Variants in SLC13A5 observed in about 807,000 individuals in gnomAD.
SLC13A5 encodes Na(+)/citrate cotransporter.
In SLC13A5, 25 loss-of-function variants were observed where a neutral mutation model predicts 56.5. The ratio of observed to expected loss-of-function variants is 0.44; its 90% confidence interval spans 0.32 to 0.62. The LOEUF (loss-of-function observed/expected upper bound fraction) is 0.62, where lower values mean the gene tolerates loss of function less well. SLC13A5 is among the 20% of genes least tolerant of loss of function. The probability of loss-of-function intolerance (pLI) is 0.04; values close to 1 mark genes in which losing one functional copy is unlikely to be tolerated. For missense variants in SLC13A5, 649 were observed against 737.8 expected (o/e 0.88, Z 1.39); for synonymous variants, 307 against 301.5 (o/e 1.02, Z -0.19).
Position 6,690,882 on chromosome 17 carries a change from G to A in SLC13A5, c.1334C>T (p.Pro445Leu), listed in dbSNP as rs558866003. Reference sequence around the variant, plus strand: ...GGACAAGATCAAGGTGATGGCTGCCGGGGGCACTGCGTGCAAGGGCTCCAT... The same window carrying A: ...GGACAAGATCAAGGTGATGGCTGCCAGGGGCACTGCGTGCAAGGGCTCCAT... ...KQMEPLHAVP[P>L]AAITLILSLL... Residue 445 changes from proline (P) to leucine (L), a missense_variant, in exon 10 of 12, where the codon CCG (proline) becomes CTG (leucine). Coordinates refer to ENST00000433363, the MANE Select transcript of SLC13A5 (RefSeq NM_177550.5). 2.0e-5 allele frequency: 32 copies of A among 1,614,058 alleles called. No individual in the cohort carries two copies. The highest frequency in any genetic ancestry group is 2.2e-5 in the South Asian group (2 of 91,064).
intron 1 of SLC13A5, among the ~76,000 whole-genome samples, chr17:6,709,581 T>C (rs73342502): frequency 0.05 from 7,629 of 152,200 alleles, 203 homozygotes; most frequent in Middle Eastern, 0.095. Context: ...TTTGCAAATG[T>C]TTATTAAAGG....
intron 1 of SLC13A5, among the ~76,000 whole-genome samples, chr17:6,707,855 C>A (rs1364585081): frequency 6.6e-6 from 1 of 152,140 alleles, no homozygotes; most frequent in Non-Finnish European, 1.5e-5. Context: ...TCACCACTAT[C>A]CAATTCATTC....
At chr17:6,697,028 T>C (rs1199930869) in intron 6 of SLC13A5, among the ~76,000 whole-genome samples, 3 of 152,032 alleles carry the variant, frequency 2.0e-5, no homozygotes, top group African/African-American at 7.2e-5. Context: ...GCAACACTGA[T>C]GGGACCTCAG....
chr17:6,710,010 G>T (rs1468870722), intron 1 of SLC13A5, among the ~76,000 whole-genome samples: 1 of 152,208 alleles, frequency 6.6e-6, no homozygotes, highest in African/African-American at 2.4e-5. Context: ...CAGGGTGAGG[G>T]CAGGAGAAAG....
rs921366141 is a variant in SLC13A5, at chr17:6,711,663, G to C, written c.102+1569C>G. 6.6e-6 allele frequency among the ~76,000 whole-genome samples: 1 copy of C among 151,426 alleles called. No individual in the cohort carries two copies. Among genetic ancestry groups the C allele is most frequent in the Non-Finnish European group, 1.5e-5 (1 of 67,830 alleles). ...GTGTTTTGTGTGTGTCTGTGTGTTT[G>C]TGTGTGTGTCTGTGTGTGTTTGTGA... On this transcript the variant is annotated intron_variant, in intron 1 of 11. Transcript: ENST00000433363. The surrounding 1 kb of genome is among the most constrained non-coding windows in gnomAD (Gnocchi z 4.0).
At chr17:6,700,669 A>G (rs572568988) in intron 6 of SLC13A5, among the ~76,000 whole-genome samples, 8 of 152,310 alleles carry the variant, frequency 5.3e-5, no homozygotes, top group African/African-American at 1.7e-4. Context: ...AAATGCAGAT[A>G]CTAAAGGACA....
At position 6,692,921 on chromosome 17, in the gene SLC13A5, A is replaced by G; in HGVS notation, c.1275+123T>C. On this transcript the variant is annotated intron_variant, in intron 9 of 11. Transcript: ENST00000433363. This position sits in a 1 kb window ranked among gnomAD's most constrained non-coding sequence, Gnocchi z 5.5. ...CAAGACAGAGTCCATGTCCTCAAGG[A>G]ATGTGCGGTTATACGAAGGATGCAG... 1 of 755,946 alleles carries G rather than the reference A, an allele frequency of 1.3e-6. No homozygotes were observed. The highest frequency in any genetic ancestry group is 1.5e-5 in the South Asian group (1 of 68,468). The allele number at this position is 755,946 out of a possible 1,614,324, so 46.8% of individuals were successfully genotyped here.
rs577747146 is a variant in SLC13A5 at position 6,700,736 on chromosome 17, G to A, written c.839+268C>T. 2.6e-5 allele frequency among the ~76,000 whole-genome samples: 4 copies of A among 152,288 alleles called. No individual in the cohort carries two copies. In the South Asian group the frequency reaches 8.3e-4, roughly 32 times the overall value. On this transcript the variant is annotated intron_variant, in intron 6 of 11. Transcript: ENST00000433363. ...ATGGAATGGGGGTGGGGAAAAGTCAGGGAAGCAGCATTTGAACTAGCCTTG... is the reference window on the plus strand; with the variant it reads ...ATGGAATGGGGGTGGGGAAAAGTCAAGGAAGCAGCATTTGAACTAGCCTTG...
intron 10 of SLC13A5, chr17:6,689,844 T>A (rs1047304932): frequency 6.6e-6 from 1 of 152,004 alleles, no homozygotes; most frequent in African/African-American, 2.4e-5. Flanking sequence ...AATTCCAGAA[T>A]AATGACAGCC....
In SLC13A5 at chr17:6,692,044, G is replaced by A. The variant is rs1441044927; in HGVS notation, c.1275+1000C>T. Among the ~76,000 whole-genome samples, 2 of 152,114 alleles carry A rather than the reference G, an allele frequency of 1.3e-5. No homozygotes were observed. The highest frequency in any genetic ancestry group is 1.3e-4 in the Admixed American group (2 of 15,262). On this transcript the variant is annotated intron_variant, in intron 9 of 11. Transcript: ENST00000433363. This position sits in a 1 kb window ranked among gnomAD's most constrained non-coding sequence, Gnocchi z 5.5. ...GTGAAGTCTGCCACGAACAGGGACCGTATCTCAATCTCCTCTGTAATCTCT... is the reference window on the plus strand; with the variant it reads ...GTGAAGTCTGCCACGAACAGGGACCATATCTCAATCTCCTCTGTAATCTCT...
rs1973450908 is a variant in SLC13A5 at position 6,692,974 on chromosome 17, G to A, written c.1275+70C>T. On this transcript the variant is annotated intron_variant, in intron 9 of 11. Transcript: ENST00000433363. The surrounding 1 kb of genome is among the most constrained non-coding windows in gnomAD (Gnocchi z 5.5). ...ACAGAAACACACAAGCCCAGGGATG[G>A]AAGGGTGGAGAAACGCCACCCTCTT... 1.8e-6 allele frequency: 2 copies of A among 1,137,104 alleles called. No homozygotes were observed. Among genetic ancestry groups the A allele is most frequent in the South Asian group, 2.5e-5 (2 of 81,522 alleles). 70.4% of individuals were successfully genotyped at this position (1,137,104 alleles called of 1,614,324 possible).
chr17:6,706,003 A>G (rs114395883), intron 3 of SLC13A5, among the ~76,000 whole-genome samples: 125 of 152,294 alleles, frequency 8.2e-4, no homozygotes, highest in African/African-American at 2.8e-3. Context: ...TAAATGAGGC[A>G]ATTCATAAGC....
At chr17:6,697,191 T>C (rs1973585027) in intron 6 of SLC13A5, among the ~76,000 whole-genome samples, 1 of 152,092 alleles carries the variant, frequency 6.6e-6, no homozygotes, top group Admixed American at 6.5e-5. Flanking sequence ...TTAGTAAAGT[T>C]TGTGCTCTAC....
chr17:6,704,136 G>A (rs1973800717), intron 3 of SLC13A5, 80 bp from the exon 4 acceptor site: 1 of 1,472,876 alleles, frequency 6.8e-7, no homozygotes, highest in African/African-American at 1.4e-5. Context: ...TGGGGACTGG[G>A]TCCACCCCTG....
intron 6 of SLC13A5, among the ~76,000 whole-genome samples, chr17:6,697,282 G>A (rs2151488690): frequency 6.6e-6 from 1 of 152,312 alleles, no homozygotes; most frequent in East Asian, 1.9e-4. Flanking sequence ...CATAAGGGGT[G>A]ACCTTGGTAT....
At chr17:6,710,508 T>C (rs16956197) in intron 1 of SLC13A5, among the ~76,000 whole-genome samples, 21,410 of 152,018 alleles carry the variant, frequency 0.14, 1,717 homozygotes, top group East Asian at 0.31. Context: ...TGTGCGTTCC[T>C]GGAGGAGTCA....
rs1036343695 is a variant in SLC13A5, at chr17:6,692,651, A to G, written c.1275+393T>C. ...GCTAAAGAAAAATTTTGAAGTAGCT[A>G]CCATGTTAAGTAGCCAGTAGAAGGA... On this transcript the variant is annotated intron_variant, in intron 9 of 11. Transcript: ENST00000433363. The surrounding 1 kb of genome is among the most constrained non-coding windows in gnomAD (Gnocchi z 5.5). Among the ~76,000 whole-genome samples the G allele has an allele frequency of 6.6e-6, 1 of 152,238 alleles. No homozygotes were observed. The highest frequency in any genetic ancestry group is 1.5e-5 in the Non-Finnish European group (1 of 68,048).
intron 6 of SLC13A5, among the ~76,000 whole-genome samples, chr17:6,700,340 A>G (rs1973676649): frequency 6.6e-6 from 1 of 152,154 alleles, no homozygotes; most frequent in South Asian, 2.1e-4. Flanking sequence ...TGCTGGGAAC[A>G]CCAGAGGTAT....
In SLC13A5 at chr17:6,690,815, G is replaced by C. The variant is rs1388187660; in HGVS notation, c.1401C>G (p.Ala467=). 6.2e-7 allele frequency: 1 copy of C among 1,614,212 alleles called. No homozygotes were observed. Among genetic ancestry groups the C allele is most frequent in the South Asian group, 1.1e-5 (1 of 91,084 alleles). ...AGATGGGCAGGAACAAGGTGGTGGTGGCCACGTTGCTTGTGCACTCAGTGA... is the reference window on the plus strand; with the variant it reads ...AGATGGGCAGGAACAAGGTGGTGGTCGCCACGTTGCTTGTGCACTCAGTGA... The part of the protein sequence containing the change: ...AVFTECTSNV[A]TTTLFLPIFA... Residue 467 remains alanine, a synonymous_variant, in exon 10 of 12, where the codon GCC becomes GCG. Coordinates refer to ENST00000433363, the MANE Select transcript of SLC13A5 (RefSeq NM_177550.5).
Sources: gnomAD v4.1 joint callset for allele counts (sites outside exome capture counted in the v4.1 genomes callset) on GRCh38, gnomAD v4.1.1 for gene constraint, Gnocchi (gnomAD v3.1) non-coding constraint, MANE v1.5 for transcripts, NCBI Gene and HGNC (gene_info 2026-07-23, HGNC 2026-07-21) for gene names.